Variants in KIF6 observed in about 807,000 individuals in gnomAD.
The protein encoded by KIF6 is kinesin family member 6.
A neutral mutation model predicts 112.7 loss-of-function variants in KIF6; 106 were observed. The ratio of observed to expected loss-of-function variants is 0.94; its 90% CI spans 0.80 to 1.11. The LOEUF (loss-of-function observed/expected upper bound fraction) is 1.11, where lower values mean the gene tolerates loss of function less well. Among genes scored for constraint, KIF6 ranks in the 50% least tolerant of loss-of-function variants. The pLI, the probability that KIF6 is intolerant of heterozygous loss-of-function variation, is 0.00. For synonymous variants in KIF6, 339 were observed against 339.9 expected (o/e 1.00, Z 0.03); for missense variants, 929 against 964.0 (o/e 0.96, Z 0.48).
At chr6:39,385,161 T>C (rs192198493) in intron 16 of KIF6, among the ~76,000 whole-genome samples, 49 of 152,308 alleles carry the variant, frequency 3.2e-4, no homozygotes, top group African/African-American at 1.2e-3. Flanking sequence ...CCCCATCTGG[T>C]AAATGCACTT....
chr6:39,632,788 T>C (rs946885321), intron 5 of KIF6, among the ~76,000 whole-genome samples: 2 of 151,730 alleles, frequency 1.3e-5, no homozygotes, highest in Non-Finnish European at 2.9e-5. Flanking sequence ...ACCCGGCTAA[T>C]TTTTTGTATT....
intron 13 of KIF6, among the ~76,000 whole-genome samples, chr6:39,440,454 A>G (rs1188471497): frequency 6.6e-6 from 1 of 152,182 alleles, no homozygotes; most frequent in Non-Finnish European, 1.5e-5. Context: ...ATAACCTTCT[A>G]TCTGAAGTGA....
At chr6:39,346,114 TCC>T (rs1562113188) in intron 20 of KIF6, among the ~76,000 whole-genome samples, 4 of 36,924 alleles carry the variant, frequency 1.1e-4, no homozygotes, top group Admixed American at 3.7e-4. Context: ...CCCCTCCCTC[TCC>T]CTCTCCCTCC....
chr6:39,715,505 A>ATTTTT (rs34333435), intron 2 of KIF6, among the ~76,000 whole-genome samples: 6 of 138,282 alleles, frequency 4.3e-5, no homozygotes, highest in Admixed American at 1.5e-4. Context: ...CACAGAATCT[A>ATTTTT]TTTTTTTTTT....
At chr6:39,539,855 G>A (rs1778687382) in intron 13 of KIF6, 148 bp downstream of exon 13, 2 of 637,374 alleles carry the variant, frequency 3.1e-6, no homozygotes, top group Non-Finnish European at 2.6e-6. Flanking sequence ...GTTTGGGAAA[G>A]TGGTATTTAA....
At chr6:39,363,337 A>G (rs1223628685) in intron 16 of KIF6, among the ~76,000 whole-genome samples, 2 of 152,176 alleles carry the variant, frequency 1.3e-5, no homozygotes, top group Non-Finnish European at 2.9e-5. Flanking sequence ...AACGCAGGCC[A>G]TGTTAATTCA....
chr6:39,683,097 T>C (rs1329717034), intron 3 of KIF6, among the ~76,000 whole-genome samples: 1 of 152,238 alleles, frequency 6.6e-6, no homozygotes, highest in African/African-American at 2.4e-5. Flanking sequence ...AGAGGCCAGA[T>C]GGCAGGGTTT....
intron 13 of KIF6, among the ~76,000 whole-genome samples, chr6:39,537,293 A>T (rs1778497144): frequency 6.6e-6 from 1 of 152,194 alleles, no homozygotes; most frequent in Admixed American, 6.5e-5. Flanking sequence ...TTTGCAGATG[A>T]CATGATTGTA....
At chr6:39,485,222 G>A (rs1346599408) in intron 13 of KIF6, among the ~76,000 whole-genome samples, 2 of 152,202 alleles carry the variant, frequency 1.3e-5, no homozygotes, top group South Asian at 2.1e-4. Flanking sequence ...CACCTGCAGA[G>A]CCATTTCATA....
intron 3 of KIF6, among the ~76,000 whole-genome samples, chr6:39,673,635 G>T (rs988594389): frequency 6.6e-6 from 1 of 152,120 alleles, no homozygotes; most frequent in Admixed American, 6.5e-5. Flanking sequence ...TATTTAGGAG[G>T]TTATCCCATT....
intron 7 of KIF6, among the ~76,000 whole-genome samples, chr6:39,592,455 T>C (rs961309056): frequency 6.6e-6 from 1 of 152,228 alleles, no homozygotes. Context: ...GGAAACTAAA[T>C]GGAAACTAAA....
At chr6:39,398,578 G>C (rs995794609) in intron 15 of KIF6, among the ~76,000 whole-genome samples, 1 of 152,196 alleles carries the variant, frequency 6.6e-6, no homozygotes, top group Non-Finnish European at 1.5e-5. Flanking sequence ...TTTGAGGTTT[G>C]TACATGTAAG....
Position 39,611,675 on chromosome 6 carries a change from C to G in KIF6, c.639+1514G>C, listed in dbSNP as rs1783222801. 2.0e-5 allele frequency among the ~76,000 whole-genome samples: 3 copies of G among 152,164 alleles called. No homozygotes were observed. In the South Asian group the frequency reaches 6.2e-4, roughly 32 times the overall value. Reference sequence around the variant, plus strand: ...AGAAGTTTATGAATCTATCTTTTCTCTTTTTCATAAGCATTGGTGGACAGG... The same window carrying G: ...AGAAGTTTATGAATCTATCTTTTCTGTTTTTCATAAGCATTGGTGGACAGG... On this transcript the variant is annotated intron_variant, in intron 6 of 22. Transcript: ENST00000287152.
intron 6 of KIF6, among the ~76,000 whole-genome samples, chr6:39,603,688 G>A (rs1445181446): frequency 6.6e-6 from 1 of 151,826 alleles, no homozygotes; most frequent in Non-Finnish European, 1.5e-5. Context: ...TGCTCTTGTG[G>A]ATGTTTGTAA....
chr6:39,606,363 C>T (rs1209309646), intron 6 of KIF6, among the ~76,000 whole-genome samples: 1 of 152,034 alleles, frequency 6.6e-6, no homozygotes, highest in Non-Finnish European at 1.5e-5. Context: ...GAAGAACAAG[C>T]CCTGTGCTCT....
At chr6:39,399,954 C>G (rs1581768076) in intron 15 of KIF6, among the ~76,000 whole-genome samples, 1 of 152,330 alleles carries the variant, frequency 6.6e-6, no homozygotes, top group East Asian at 1.9e-4. Flanking sequence ...CAGGCAGCAG[C>G]CCCTATAGCA....
At chr6:39,545,353 A>T (rs1779011660) in intron 11 of KIF6, among the ~76,000 whole-genome samples, 1 of 152,214 alleles carries the variant, frequency 6.6e-6, no homozygotes, top group Non-Finnish European at 1.5e-5. Flanking sequence ...GAAGGTAGAG[A>T]TTCCTGACAA....
intron 14 of KIF6, among the ~76,000 whole-genome samples, chr6:39,421,346 T>C (rs1770346976): frequency 6.6e-6 from 1 of 152,222 alleles, no homozygotes; most frequent in Non-Finnish European, 1.5e-5. Context: ...ATACCCAGTA[T>C]CACATTTTAT....
chr6:39,643,941 T>C (rs1420636543), intron 3 of KIF6, among the ~76,000 whole-genome samples: 2 of 152,086 alleles, frequency 1.3e-5, no homozygotes, highest in Non-Finnish European at 2.9e-5. Flanking sequence ...TGTCATCATA[T>C]CCATAATCCA....
Sources: gnomAD v4.1 joint callset for allele counts (sites outside exome capture counted in the v4.1 genomes callset) on GRCh38, gnomAD v4.1.1 for gene constraint, MANE v1.5 for transcripts, NCBI Gene and HGNC (gene_info 2026-07-23, HGNC 2026-07-21) for gene names.